Variants in SOX5 observed in about 807,000 individuals in gnomAD.
SOX5 encodes the protein transcription factor SOX-5.
In SOX5, 9 loss-of-function variants were observed where a neutral mutation model predicts 92.0. The observed-to-expected ratio is 0.10, with a 90% CI of 0.06 to 0.17. The LOEUF (loss-of-function observed/expected upper bound fraction) is 0.17, where lower values mean the gene tolerates loss of function less well. Ranked by LOEUF, SOX5 falls within the 10% of genes least tolerant of loss-of-function variation. The pLI, the probability that SOX5 is intolerant of heterozygous loss-of-function variation, is 1.00. For synonymous variants in SOX5, 344 were observed against 336.3 expected, an observed-to-expected ratio of 1.02 and a Z score of -0.25; for missense variants, 642 against 944.5, an observed-to-expected ratio of 0.68 and a Z score of 4.20.
At chr12:24,380,691 T>G (rs1957737179) in intron 1 of SOX5, among the ~76,000 whole-genome samples, 1 of 152,178 alleles carries the variant, frequency 6.6e-6, no homozygotes, top group Non-Finnish European at 1.5e-5. Context: ...TTGCTTTTAT[T>G]TTAAAGGGCA....
chr12:24,407,740 A>G (rs1334276741), intron 1 of SOX5, among the ~76,000 whole-genome samples: 28 of 152,232 alleles, frequency 1.8e-4, no homozygotes. Context: ...TAAAATTCCA[A>G]CCAGACAGAT....
chr12:24,361,031 G>A (rs1955498251), intron 2 of SOX5, among the ~76,000 whole-genome samples: 1 of 152,070 alleles, frequency 6.6e-6, no homozygotes, highest in Non-Finnish European at 1.5e-5. Flanking sequence ...TCATTAACTC[G>A]CTTGTTTACT....
intron 1 of SOX5, among the ~76,000 whole-genome samples, chr12:23,921,842 G>C (rs553976677): frequency 3.4e-4 from 52 of 152,266 alleles, no homozygotes; most frequent in African/African-American, 1.3e-3. Flanking sequence ...AGGCAGCAAA[G>C]CCACTAGCAG....
chr12:23,988,309 G>C (rs1053735111), intron 4 of SOX5, among the ~76,000 whole-genome samples: 2 of 152,136 alleles, frequency 1.3e-5, no homozygotes, highest in African/African-American at 4.8e-5. Context: ...AATCAGTAGA[G>C]AAGAGAGCCT....
intron 6 of SOX5, among the ~76,000 whole-genome samples, chr12:23,703,727 G>GACACACACACACAC (rs61366137): frequency 3.8e-4 from 56 of 148,824 alleles, no homozygotes; most frequent in African/African-American, 1.3e-3. Context: ...TTTCTCAGGG[G>GACACACACACACAC]ACACACACAC....
intron 3 of SOX5, among the ~76,000 whole-genome samples, chr12:23,823,394 G>A (rs956483015): frequency 6.6e-6 from 1 of 152,210 alleles, no homozygotes; most frequent in African/African-American, 2.4e-5. Flanking sequence ...GGCTGGATAT[G>A]AAATTCTGGG....
intron 6 of SOX5, among the ~76,000 whole-genome samples, chr12:23,712,366 AC>A (rs1436591537): frequency 6.6e-6 from 1 of 152,214 alleles, no homozygotes; most frequent in Admixed American, 6.5e-5. Flanking sequence ...GGCAATTTGT[AC>A]AGATTTCCTC....
chr12:23,661,202 C>A (rs979488553), intron 7 of SOX5, among the ~76,000 whole-genome samples: 1 of 152,096 alleles, frequency 6.6e-6, no homozygotes, highest in Non-Finnish European at 1.5e-5. Context: ...AAAATATCTT[C>A]CTGTTACAAT....
At chr12:24,404,331 C>T (rs1962439196) in intron 1 of SOX5, among the ~76,000 whole-genome samples, 1 of 152,128 alleles carries the variant, frequency 6.6e-6, no homozygotes, top group Non-Finnish European at 1.5e-5. Flanking sequence ...ATGAATAACA[C>T]CACCAAACTC....
intron 3 of SOX5, among the ~76,000 whole-genome samples, chr12:23,757,010 A>ACTTTTT (rs2094406709): frequency 3.3e-5 from 5 of 151,728 alleles, no homozygotes; most frequent in Non-Finnish European, 5.9e-5. Flanking sequence ...CAGAGGTGCA[A>ACTTTTT]TTTTCCTTGG....
chr12:23,563,629 T>C (rs566298121), intron 10 of SOX5, among the ~76,000 whole-genome samples: 1 of 152,324 alleles, frequency 6.6e-6, no homozygotes, highest in South Asian at 2.1e-4. Flanking sequence ...AAAAATATAA[T>C]ACCTAAGTGA....
chr12:24,168,414 C>T lies in SOX5; in HGVS notation c.-2+44929G>A, dbSNP rs528666524. 9.2e-5 allele frequency among the ~76,000 whole-genome samples: 14 copies of T among 152,156 alleles called. No homozygotes were observed. The South Asian group carries it at 2.5e-3, about 27-fold the overall frequency. ...TTGCATTGTCTTATTTTAAAAAAAT[C>T]GTCAACAGAAATAATTGCAAGGAAT... On this transcript the variant is annotated intron_variant, in intron 4 of 4. Transcript: ENST00000446891.
chr12:23,940,684 T>A (rs529696951), intron 1 of SOX5, among the ~76,000 whole-genome samples: 3 of 149,796 alleles, frequency 2.0e-5, no homozygotes, highest in Admixed American at 6.7e-5. Flanking sequence ...ATGAAGATAC[T>A]GGCAAATATA....
rs147430972 is a variant in SOX5, at chr12:24,212,940, C to T, written c.-2+403G>A. ...CAGAGAAGAGAAGAAACTCGATTTT[C>T]ATGACCTGGGTGCTCCTCCCTACAA... is the stretch of plus-strand genomic sequence containing the variant. On this transcript the variant is annotated intron_variant, in intron 4 of 4. Transcript: ENST00000446891. Among the ~76,000 whole-genome samples the T allele has an allele frequency of 7.9e-3, 1,198 of 152,254 alleles. 16 individuals carry two copies. The highest frequency in any genetic ancestry group is 0.026 in the African/African-American group (1,086 of 41,546).
At chr12:24,469,963 T>C (rs752239754) in intron 1 of SOX5, among the ~76,000 whole-genome samples, 5 of 151,970 alleles carry the variant, frequency 3.3e-5, no homozygotes, top group Non-Finnish European at 7.4e-5. Context: ...GTTGGTTTCA[T>C]GAAAAACAAA....
chr12:24,550,029 G>A (rs907440571), intron 1 of SOX5, among the ~76,000 whole-genome samples: 3 of 152,188 alleles, frequency 2.0e-5, no homozygotes, highest in South Asian at 4.1e-4. Context: ...ATGAGCAAGA[G>A]CTCAGACTTC....
At chr12:24,522,841 T>G (rs900265539) in intron 1 of SOX5, among the ~76,000 whole-genome samples, 1 of 152,034 alleles carries the variant, frequency 6.6e-6, no homozygotes, top group Non-Finnish European at 1.5e-5. Flanking sequence ...GCTTTTCCAC[T>G]AAGATCTGGA....
chr12:24,190,405 GAC>G (rs764501412), intron 4 of SOX5, among the ~76,000 whole-genome samples: 1 of 152,174 alleles, frequency 6.6e-6, no homozygotes, highest in Non-Finnish European at 1.5e-5. Context: ...TGCAATTTAA[GAC>G]ACAAAATATT....
chr12:24,109,692 G>A (rs1443937231), intron 4 of SOX5, among the ~76,000 whole-genome samples: 2 of 152,048 alleles, frequency 1.3e-5, no homozygotes, highest in Non-Finnish European at 2.9e-5. Context: ...CCACTTAATA[G>A]CACAAAGAAG....
Sources: allele counts gnomAD v4.1 joint callset (sites outside exome capture counted in the v4.1 genomes callset), GRCh38; gene constraint gnomAD v4.1.1; transcripts MANE v1.5; gene names NCBI Gene and HGNC (gene_info 2026-07-23, HGNC 2026-07-21).